Variants in SNX32 observed in about 807,000 individuals in gnomAD.
SNX32 encodes sorting nexin 32.
Under a neutral mutation model 57.0 loss-of-function variants are expected in SNX32, and 58 were observed. That is an observed-to-expected ratio of 1.02 (90% CI 0.82 to 1.27). The LOEUF is 1.27. Among genes scored for constraint, SNX32 ranks in the 50% most tolerant of loss-of-function variants. SNX32 has a pLI of 0.00. For synonymous variants in SNX32, 262 were observed against 220.4 expected, an observed-to-expected ratio of 1.19 and a Z score of -1.67; for missense variants, 589 against 541.2, an observed-to-expected ratio of 1.09 and a Z score of -0.88.
chr11:65,846,299 G>T (rs920719361), intron 1 of SNX32, among the ~76,000 whole-genome samples: 2 of 151,336 alleles, frequency 1.3e-5, no homozygotes, highest in African/African-American at 4.9e-5. Context: ...GGACGGGTGC[G>T]GTGGCTCACG....
At chr11:65,851,725 C>A in intron 9 of SNX32, 46 bp downstream of exon 9, 1 of 1,602,168 alleles carries the variant, frequency 6.2e-7, no homozygotes, top group South Asian at 1.1e-5. Flanking sequence ...GTGAGCTTTG[C>A]AGGGAAGATG....
intron 1 of SNX32, among the ~76,000 whole-genome samples, chr11:65,844,078 T>A (rs1858921235): frequency 6.6e-6 from 1 of 152,208 alleles, no homozygotes; most frequent in South Asian, 2.1e-4. Context: ...GCTGTCACAG[T>A]GGTTTGTGCC....
rs1407616648 is a variant in SNX32 at position 65,853,104 on chromosome 11, T to C, written c.1158+146T>C. ...GCATGAGAGGAGCCCCAGCTAAGGC[T>C]TGGGGCCATGCTTCCCTGGCTCAGG... On this transcript the variant is annotated intron_variant, in intron 12 of 12. Coordinates refer to ENST00000308342, the MANE Select transcript of SNX32 (RefSeq NM_152760.3). 1.0e-5 allele frequency: 13 copies of C among 1,266,012 alleles called. No individual in the cohort carries two copies. The East Asian group carries it at 1.6e-4, about 16-fold the overall frequency. 78.4% of individuals were successfully genotyped at this position (1,266,012 alleles called of 1,614,324 possible).
At chr11:65,850,335 A>G (rs1310558339) in intron 4 of SNX32, 64 bp downstream of exon 4, 1 of 1,613,458 alleles carries the variant, frequency 6.2e-7, no homozygotes, top group Non-Finnish European at 8.5e-7. Flanking sequence ...CTATCTCCCC[A>G]TGAATGTTTA....
chr11:65,850,100 G>T, intron 3 of SNX32, 50 bp from the exon 4 acceptor site: 2 of 1,614,224 alleles, frequency 1.2e-6, no homozygotes, highest in Non-Finnish European at 1.7e-6. Context: ...AGGCTGTGAT[G>T]GCCGTCTCGG....
At chr11:65,834,409 GTGTGTGTC>G (rs1274944080) in intron 1 of SNX32, among the ~76,000 whole-genome samples, 1 of 150,712 alleles carries the variant, frequency 6.6e-6, no homozygotes, top group Admixed American at 6.6e-5. Context: ...GTGTATCTGT[GTGTGTGTC>G]TGTGTGTCTC....
Position 65,851,407 on chromosome 11 carries a change from A to G in SNX32, c.785+4A>G. 1 of 1,614,044 alleles carries G rather than the reference A, an allele frequency of 6.2e-7. No individual in the cohort carries two copies. The highest frequency in any genetic ancestry group is 1.7e-4 in the Middle Eastern group (1 of 6,060). Reference sequence around the variant, plus strand: ...AGGAAGTCAACCAGCTAAGGACGTGAGGACTCCCCCCACCCCTACCCTCTC... The same window carrying G: ...AGGAAGTCAACCAGCTAAGGACGTGGGGACTCCCCCCACCCCTACCCTCTC... On this transcript the variant is annotated splice_donor_region_variant and intron_variant, in intron 8 of 12. Transcript: ENST00000308342.
Position 65,834,079 on chromosome 11 carries a change from C to T in SNX32, c.14C>T (p.Ala5Val). The T allele has an allele frequency of 6.4e-7, 1 of 1,551,162 alleles. No individual in the cohort carries two copies. METY[A>V]EVGKEGKPSC... Reference sequence around the variant, plus strand: ...CCCAGGAGAGCGATGGAGACGTATGCGGAGGTTGGGAAGGAGGGCAAGGTA... The same window carrying T: ...CCCAGGAGAGCGATGGAGACGTATGTGGAGGTTGGGAAGGAGGGCAAGGTA... Residue 5 changes from alanine (A) to valine (V), a missense_variant, in exon 1 of 13, where the codon GCG (alanine) becomes GTG (valine). Transcript: ENST00000308342.
chr11:65,850,840 C>G lies in SNX32; in HGVS notation c.588C>G (p.Gly196=). The change falls in exon 6 of 13, where the codon GGC becomes GGG. Residue 196 remains glycine (G), a synonymous_variant. Transcript: ENST00000308342. ...CCGCGGATGAAGCCCTCATCACGGG[C>G]ATGTCAGGGCTCAAGGTAACCCCTG... The part of the protein sequence containing the change: ...VKSADEALIT[G]MSGLKEVDDF... 1 of 1,613,638 alleles carries G rather than the reference C, an allele frequency of 6.2e-7. No homozygotes were observed. The highest frequency in any genetic ancestry group is 8.5e-7 in the Non-Finnish European group (1 of 1,179,720).
In SNX32 at chr11:65,853,566, GC is replaced by G; in HGVS notation, c.*235del. 2 of 587,778 alleles carry G rather than the reference GC, an allele frequency of 3.4e-6. No homozygotes were observed. Among genetic ancestry groups the G allele is most frequent in the South Asian group, 2.0e-5 (1 of 50,252 alleles). The allele number at this position is 587,778 out of a possible 1,614,324, so 36.4% of individuals were successfully genotyped here. Reference sequence around the variant, plus strand: ...ATCATAACTGGCCACAGTCAGCAGAGCCCCAGGGACCCTGACACCTCTCCCC... The same window carrying G: ...ATCATAACTGGCCACAGTCAGCAGAGCCCAGGGACCCTGACACCTCTCCCC... On this transcript the variant is annotated 3_prime_UTR_variant, in exon 13 of 13. Transcript: ENST00000308342.
Position 65,850,664 on chromosome 11 carries a change from T to G in SNX32, c.499-87T>G, listed in dbSNP as rs981554886. On this transcript the variant is annotated intron_variant, in intron 5 of 12. Coordinates refer to ENST00000308342, the MANE Select transcript of SNX32 (RefSeq NM_152760.3). ...GAAGGGGCCCAAGTGGGCCCAATCC[T>G]GTGTCACAGCTCCGTGAGTGGCTTG... 4 of 1,572,070 alleles carry G rather than the reference T, an allele frequency of 2.5e-6. No individual in the cohort carries two copies. In the Admixed American group the frequency reaches 5.6e-5, roughly 22 times the overall value.
At chr11:65,837,752 G>C (rs947038317) in intron 1 of SNX32, among the ~76,000 whole-genome samples, 1 of 147,832 alleles carries the variant, frequency 6.8e-6, no homozygotes, top group African/African-American at 2.5e-5. Context: ...CCCGGGAGAT[G>C]GAGGTTCCAG....
chr11:65,849,421 C>A, intron 1 of SNX32, 57 bp from the exon 2 acceptor site: 2 of 1,379,962 alleles, frequency 1.4e-6, no homozygotes, highest in South Asian at 2.6e-5. Flanking sequence ...GCCTGCAGGG[C>A]AAGGAAGGGC....
chr11:65,852,394 A>C (rs1859228305), intron 9 of SNX32, 71 bp from the exon 10 acceptor site: 1 of 1,318,944 alleles, frequency 7.6e-7, no homozygotes, highest in African/African-American at 1.4e-5. Flanking sequence ...TATTTAGATG[A>C]AGAGGTGCCT....
At chr11:65,850,365 C>G (rs1488990376) in intron 4 of SNX32, 66 bp from the exon 5 acceptor site, 1 of 1,612,368 alleles carries the variant, frequency 6.2e-7, no homozygotes. Context: ...ACCTCTGACC[C>G]CAGAAAGGGG....
Position 65,850,014 on chromosome 11 carries a change from AG to A in SNX32, c.237del (p.Glu79AspfsTer41), listed in dbSNP as rs1429168938. The A allele has an allele frequency of 1.2e-6, 2 of 1,613,954 alleles. No individual in the cohort carries two copies. Among genetic ancestry groups the A allele is most frequent in the Non-Finnish European group, 1.7e-6 (2 of 1,179,852 alleles). ...CATGATGCCTACGTGGAGAATGAGG[AG>A]TACGCCGGCCTCATCGTGAGGAGGG... ...WLHDAYVENE[E>X]YAGLIIPPAP... On this transcript the variant is annotated frameshift_variant, in exon 3 of 13. Transcript: ENST00000308342. LOFTEE classifies it high-confidence loss of function.
rs558225159 is a variant in SNX32, at chr11:65,839,785, T to C, written c.36+5684T>C. On this transcript the variant is annotated intron_variant, in intron 1 of 12. Transcript: ENST00000308342. Reference sequence around the variant, plus strand: ...GAATAAGCAATATATAAAAGGATAATACTTCATGAACAAGGCCTTCTTCCA... The same window carrying C: ...GAATAAGCAATATATAAAAGGATAACACTTCATGAACAAGGCCTTCTTCCA... Among the ~76,000 whole-genome samples the C allele has an allele frequency of 2.5e-4, 37 of 147,864 alleles. No individual in the cohort carries two copies. In the South Asian group the frequency reaches 6.1e-3, roughly 25 times the overall value.
chr11:65,843,467 GC>G (rs1858905680), intron 1 of SNX32, among the ~76,000 whole-genome samples: 1 of 151,762 alleles, frequency 6.6e-6, no homozygotes, highest in Admixed American at 6.6e-5. Context: ...TACTCAGGAG[GC>G]TGAGGCAGGA....
At chr11:65,849,715 C>A in intron 2 of SNX32, 133 bp downstream of exon 2, 2 of 878,662 alleles carry the variant, frequency 2.3e-6, no homozygotes, top group East Asian at 2.6e-5. Context: ...TCAGCCCCTC[C>A]TGGAAAGTGA....
Sources: allele counts gnomAD v4.1 joint callset (sites outside exome capture counted in the v4.1 genomes callset), GRCh38; gene constraint gnomAD v4.1.1; transcripts MANE v1.5; gene names NCBI Gene and HGNC (gene_info 2026-07-23, HGNC 2026-07-21).